AMMECR1: variants seen among roughly 807,000 people sequenced by gnomAD.
The protein encoded by AMMECR1 is nuclear protein AMMECR1.
In AMMECR1, 3 loss-of-function variants were observed where a neutral mutation model predicts 22.5. The observed-to-expected ratio is 0.13, with a 90% CI of 0.06 to 0.35. The LOEUF (loss-of-function observed/expected upper bound fraction) is 0.35. Among genes scored for constraint, AMMECR1 ranks in the 10% least tolerant of loss-of-function variants. The pLI, the probability that AMMECR1 is intolerant of heterozygous loss-of-function variation, is 1.00. For synonymous variants in AMMECR1, 130 were observed against 116.7 expected (o/e 1.11, Z -0.74); for missense variants, 235 against 278.7 (o/e 0.84, Z 1.12).
chrX:110,363,706 G>A (rs765897430), intron 2 of AMMECR1, among the ~76,000 whole-genome samples: 2 of 111,588 alleles, frequency 1.8e-5, no homozygotes, highest in African/African-American at 6.5e-5. Context: ...ATGCATGGAT[G>A]CATCAGACTG....
intron 2 of AMMECR1, among the ~76,000 whole-genome samples, chrX:110,412,467 G>T (rs1288903169): frequency 8.9e-6 from 1 of 112,109 alleles, no homozygotes; most frequent in Non-Finnish European, 1.9e-5. Flanking sequence ...GACTGCCTAG[G>T]TTTGACTTCC....
At chrX:110,337,563 A>G (rs1246554516) in intron 2 of AMMECR1, among the ~76,000 whole-genome samples, 1 of 111,772 alleles carries the variant, frequency 8.9e-6, no homozygotes, top group African/African-American at 3.3e-5. Flanking sequence ...ATAAACAGAA[A>G]ATAAAGAGTA....
intron 1 of AMMECR1, among the ~76,000 whole-genome samples, chrX:110,281,073 GAATA>G (rs780777841): frequency 8.9e-6 from 1 of 112,408 alleles, no homozygotes; most frequent in East Asian, 2.8e-4. Context: ...AAAATTTCAA[GAATA>G]TTTATTTACA....
chrX:110,202,414 C>T (rs2067401462), intron 4 of AMMECR1, 32 bp downstream of exon 4: 1 of 1,085,446 alleles, frequency 9.2e-7, no homozygotes, highest in Admixed American at 2.3e-5. Context: ...AAATTCTTCA[C>T]CAGATCATAT....
intron 1 of AMMECR1, among the ~76,000 whole-genome samples, chrX:110,289,510 TA>T (rs1225710711): frequency 1.8e-5 from 2 of 112,332 alleles, no homozygotes; most frequent in Non-Finnish European, 3.8e-5. Context: ...AAAGATAGTT[TA>T]CTTACATTAT....
At chrX:110,290,617 AT>A in intron 1 of AMMECR1, among the ~76,000 whole-genome samples, 1 of 111,515 alleles carries the variant, frequency 9.0e-6, no homozygotes, top group East Asian at 2.8e-4. Flanking sequence ...TTAAAATTTT[AT>A]AAAATATTTC....
upstream of AMMECR1, among the ~76,000 whole-genome samples, chrX:110,322,218 G>A (rs2068081617): frequency 8.9e-6 from 1 of 111,817 alleles, no homozygotes; most frequent in African/African-American, 3.3e-5. Context: ...ATTTAGATAT[G>A]CTAATATCTA....
Position 110,258,495 on chromosome X carries a change from C to A in AMMECR1, c.584+5994G>T, listed in dbSNP as rs1023323808. Among the ~76,000 whole-genome samples the A allele has an allele frequency of 1.6e-4, 18 of 112,083 alleles. No individual in the cohort carries two copies. The Admixed American group carries it at 1.7e-3, about 11-fold the overall frequency. On this transcript the variant is annotated intron_variant, in intron 2 of 5. Transcript: ENST00000262844. Reference sequence around the variant, plus strand: ...TAAATTAAGTGCCTATAAAATCTGACAAATGTTTCTCATTTTGTAATTAAT... The same window carrying A: ...TAAATTAAGTGCCTATAAAATCTGAAAAATGTTTCTCATTTTGTAATTAAT...
intron 3 of AMMECR1, among the ~76,000 whole-genome samples, chrX:110,210,354 T>C (rs1267031915): frequency 9.0e-6 from 1 of 111,463 alleles, no homozygotes. Flanking sequence ...AAATATGTAC[T>C]GTGAAAAGCA....
intron 2 of AMMECR1, among the ~76,000 whole-genome samples, chrX:110,399,647 A>G (rs1225951939): frequency 1.8e-5 from 2 of 112,110 alleles, no homozygotes; most frequent in Non-Finnish European, 3.8e-5. Flanking sequence ...CTTACAAATA[A>G]ATGATTAATA....
intron 2 of AMMECR1, among the ~76,000 whole-genome samples, chrX:110,370,636 G>A (rs1359435004): frequency 1.8e-5 from 2 of 112,033 alleles, no homozygotes; most frequent in African/African-American, 6.5e-5. Flanking sequence ...TTCCAAACCT[G>A]TAGGCTTTCC....
chrX:110,341,953 G>C (rs928179645), intron 2 of AMMECR1, among the ~76,000 whole-genome samples: 7 of 110,692 alleles, frequency 6.3e-5, no homozygotes, highest in Non-Finnish European at 1.3e-4. Context: ...AAGAGGCTTG[G>C]GGGGCTGAGG....
chrX:110,338,562 T>C (rs953460201), intron 2 of AMMECR1, among the ~76,000 whole-genome samples: 1 of 112,051 alleles, frequency 8.9e-6, no homozygotes, highest in African/African-American at 3.2e-5. Flanking sequence ...ATTATACATA[T>C]GAAATGCCTG....
chrX:110,299,357 T>C (rs2067953947), intron 1 of AMMECR1, among the ~76,000 whole-genome samples: 1 of 111,843 alleles, frequency 8.9e-6, no homozygotes, highest in South Asian at 3.7e-4. Flanking sequence ...AAACATTTCA[T>C]GAGGGAAACT....
intron 2 of AMMECR1, among the ~76,000 whole-genome samples, chrX:110,384,396 GATA>G (rs751621703): frequency 9.0e-6 from 1 of 111,462 alleles, no homozygotes; most frequent in East Asian, 2.8e-4. Flanking sequence ...AAATGAGGAT[GATA>G]ATAAGAGTAC....
chrX:110,214,372 A>G (rs1287421766), intron 3 of AMMECR1, among the ~76,000 whole-genome samples: 1 of 112,061 alleles, frequency 8.9e-6, no homozygotes, highest in African/African-American at 3.2e-5. Flanking sequence ...AGTAGGAACA[A>G]TATAGAATCT....
At chrX:110,426,377 C>T (rs2068754434) in intron 2 of AMMECR1, among the ~76,000 whole-genome samples, 1 of 111,750 alleles carries the variant, frequency 8.9e-6, no homozygotes, top group African/African-American at 3.3e-5. Flanking sequence ...TCCTGCTGGT[C>T]TTGTTGATTG....
chrX:110,418,723 G>A (rs2068695977), intron 2 of AMMECR1, among the ~76,000 whole-genome samples: 2 of 111,586 alleles, frequency 1.8e-5, no homozygotes, highest in Admixed American at 1.9e-4. Context: ...GCTGGGAAAC[G>A]GAGCCGAATA....
intron 1 of AMMECR1, among the ~76,000 whole-genome samples, chrX:110,272,192 G>T (rs2067802628): frequency 9.1e-6 from 1 of 110,299 alleles, no homozygotes. Context: ...CTCCAGCCTG[G>T]GCAGCAGAGC....
Sources: allele counts gnomAD v4.1 joint callset (sites outside exome capture counted in the v4.1 genomes callset), GRCh38; gene constraint gnomAD v4.1.1; transcripts MANE v1.5; gene names NCBI Gene and HGNC (gene_info 2026-07-23, HGNC 2026-07-21).